The following SKP2 variants were observed in gnomAD, a reference collection of about 807,000 sequenced individuals.
SKP2 encodes S-phase kinase associated protein 2.
In SKP2, 16 loss-of-function variants were observed where a neutral mutation model predicts 51.8. The observed-to-expected ratio is 0.31, with a 90% CI of 0.21 to 0.47. The LOEUF (loss-of-function observed/expected upper bound fraction) is 0.47, where lower values mean the gene tolerates loss of function less well. Among genes scored for constraint, SKP2 ranks in the 20% least tolerant of loss-of-function variants. The probability of loss-of-function intolerance (pLI) is 1.00; values close to 1 mark genes in which losing one functional copy is unlikely to be tolerated. For synonymous variants in SKP2, 176 were observed against 198.6 expected, an observed-to-expected ratio of 0.89 and a Z score of 0.96; for missense variants, 377 against 505.3, an observed-to-expected ratio of 0.75 and a Z score of 2.43.
At chr5:36,178,719 G>C (rs1324086138) in intron 9 of SKP2, among the ~76,000 whole-genome samples, 2 of 152,058 alleles carry the variant, frequency 1.3e-5, no homozygotes, top group Non-Finnish European at 1.5e-5. Context: ...GGGGAGTGTG[G>C]TGATCATTCT....
rs374810577 is a variant in SKP2 at position 36,181,353 on chromosome 5, C to G, written c.1062-465C>G. Among the ~76,000 whole-genome samples the G allele has an allele frequency of 8.5e-5, 13 of 152,250 alleles. No individual in the cohort carries two copies. In the East Asian group the frequency reaches 2.3e-3, roughly 27 times the overall value. On this transcript the variant is annotated intron_variant, in intron 9 of 9. Coordinates refer to ENST00000274255, the MANE Select transcript of SKP2 (RefSeq NM_005983.4). ...GTTCATCAGTCCTGACAGCATCTCCCTTTAAGAGATGAGCCTAGTTCAAAT... is the reference window on the plus strand; with the variant it reads ...GTTCATCAGTCCTGACAGCATCTCCGTTTAAGAGATGAGCCTAGTTCAAAT...
chr5:36,157,736 A>G (rs745953004), intron 2 of SKP2, among the ~76,000 whole-genome samples: 1 of 152,236 alleles, frequency 6.6e-6, no homozygotes, highest in Admixed American at 6.5e-5. Flanking sequence ...GTATAATCTG[A>G]TTATGCTTAA....
rs1270149710 is a variant in SKP2 at position 36,182,150 on chromosome 5, T to A, written c.*119T>A. ...TTTCCCTTTGCCTTCATTCTGCAAG[T>A]ATACTAGGGAGCCATTTGAGAGGGA... On this transcript the variant is annotated 3_prime_UTR_variant, in exon 10 of 10. Coordinates refer to ENST00000274255, the MANE Select transcript of SKP2 (RefSeq NM_005983.4). 2.8e-6 allele frequency: 4 copies of A among 1,454,396 alleles called. No individual in the cohort carries two copies. The highest frequency in any genetic ancestry group is 2.7e-6 in the Non-Finnish European group (3 of 1,106,586). 90.1% of individuals were successfully genotyped at this position (1,454,396 alleles called of 1,614,324 possible).
intron 7 of SKP2, among the ~76,000 whole-genome samples, chr5:36,176,597 TC>T (rs1745639519): frequency 1.3e-5 from 2 of 152,046 alleles, no homozygotes; most frequent in African/African-American, 4.8e-5. Context: ...ATCCATTATT[TC>T]TCTTGTTGAT....
chr5:36,167,782 C>T (rs568108222), intron 4 of SKP2, among the ~76,000 whole-genome samples: 1 of 152,234 alleles, frequency 6.6e-6, no homozygotes, highest in African/African-American at 2.4e-5. Flanking sequence ...CCACGCCCAA[C>T]TAATTTTTTG....
downstream of SKP2, among the ~76,000 whole-genome samples, chr5:36,187,941 T>C (rs1370246259): frequency 6.6e-6 from 1 of 152,210 alleles, no homozygotes; most frequent in Non-Finnish European, 1.5e-5. Flanking sequence ...CATATATATT[T>C]AGGATAGTTA....
intron 7 of SKP2, 145 bp downstream of exon 7, chr5:36,171,878 C>A (rs1745487883): frequency 1.3e-6 from 1 of 765,326 alleles, no homozygotes; most frequent in Non-Finnish European, 2.0e-6. Context: ...GAGGTAGCTG[C>A]TAATCAGAAT....
At chr5:36,180,482 A>C (rs1344547106) in intron 9 of SKP2, among the ~76,000 whole-genome samples, 1 of 152,174 alleles carries the variant, frequency 6.6e-6, no homozygotes, top group Non-Finnish European at 1.5e-5. Context: ...TTATTTTATA[A>C]ATTAGCCTTC....
chr5:36,152,342 G>T, intron 1 of SKP2, 72 bp downstream of exon 1: 6 of 1,359,206 alleles, frequency 4.4e-6, no homozygotes, highest in Admixed American at 1.7e-5. Flanking sequence ...CGCGAATATC[G>T]CTACTGGCTA....
intron 2 of SKP2, among the ~76,000 whole-genome samples, chr5:36,157,513 G>A (rs1744989858): frequency 6.6e-6 from 1 of 152,128 alleles, no homozygotes; most frequent in Non-Finnish European, 1.5e-5. Flanking sequence ...GGCCTCAAAT[G>A]TATTATTTAT....
intron 2 of SKP2, among the ~76,000 whole-genome samples, chr5:36,160,639 G>C (rs1361980929): frequency 6.6e-6 from 1 of 152,196 alleles, no homozygotes; most frequent in Non-Finnish European, 1.5e-5. Context: ...ACTAGATTCT[G>C]ATCTAGATAT....
intron 3 of SKP2, among the ~76,000 whole-genome samples, chr5:36,165,228 A>G (rs1460877237): frequency 6.6e-6 from 1 of 152,174 alleles, no homozygotes; most frequent in Non-Finnish European, 1.5e-5. Context: ...GGTCAGGAAT[A>G]GTAGGTTGAG....
intron 2 of SKP2, among the ~76,000 whole-genome samples, chr5:36,159,628 G>A (rs1023727070): frequency 2.0e-5 from 3 of 152,226 alleles, no homozygotes; most frequent in Non-Finnish European, 2.9e-5. Context: ...GCCCTTGGTT[G>A]AGACAGCTCT....
chr5:36,169,348 G>C (rs944895207), intron 5 of SKP2, among the ~76,000 whole-genome samples: 6 of 152,174 alleles, frequency 3.9e-5, no homozygotes, highest in African/African-American at 1.4e-4. Context: ...AGGAGGCTGA[G>C]GCAGGAGAAT....
chr5:36,169,933 G>A (rs1579564919), intron 5 of SKP2, among the ~76,000 whole-genome samples: 1 of 152,224 alleles, frequency 6.6e-6, no homozygotes, highest in East Asian at 1.9e-4. Flanking sequence ...TAGAGAAGAT[G>A]GCAAATTTGA....
At chr5:36,164,611 C>T (rs1013618410) in intron 3 of SKP2, among the ~76,000 whole-genome samples, 1 of 152,148 alleles carries the variant, frequency 6.6e-6, no homozygotes, top group Non-Finnish European at 1.5e-5. Flanking sequence ...CCTTCAAGGG[C>T]GTGCTGCTAT....
At chr5:36,169,162 G>A (rs753944073) in intron 5 of SKP2, among the ~76,000 whole-genome samples, 1 of 152,118 alleles carries the variant, frequency 6.6e-6, no homozygotes, top group Non-Finnish European at 1.5e-5. Context: ...AGGGAAGCAT[G>A]GGCCAGGTGT....
At position 36,152,967 on chromosome 5, in the gene SKP2, C is replaced by G; in HGVS notation, c.205C>G (p.Arg69Gly). The change falls in exon 2 of 10, where the codon CGG becomes GGG. Residue 69 changes from arginine (R) to glycine (G), a missense_variant. Physicochemically the swap from Arg to Gly is moderately radical, Grantham distance 125 (BLOSUM62 -2). This residue lies in a region of SKP2 where 115 missense variants were observed against 115.5 expected (regional missense o/e 1.00). Coordinates refer to ENST00000274255, the MANE Select transcript of SKP2 (RefSeq NM_005983.4). ...CCACCCGGAGAGCCCCCCACGGAAACGGCTGAAGAGCAAAGGGAGTGACAA... is the reference window on the plus strand; with the variant it reads ...CCACCCGGAGAGCCCCCCACGGAAAGGGCTGAAGAGCAAAGGGAGTGACAA... Reference protein sequence around the residue: ...LGHPESPPRKRLKSKGSDKDF... With the variant: ...LGHPESPPRKGLKSKGSDKDF... 1 of 1,614,122 alleles carries G rather than the reference C, an allele frequency of 6.2e-7. No individual in the cohort carries two copies. The highest frequency in any genetic ancestry group is 8.5e-7 in the Non-Finnish European group (1 of 1,180,010).
downstream of SKP2, among the ~76,000 whole-genome samples, chr5:36,185,140 T>G (rs1745934834): frequency 6.6e-6 from 1 of 152,200 alleles, no homozygotes; most frequent in African/African-American, 2.4e-5. Context: ...TTTGAGTTCT[T>G]TGTAGATTCT....
Sources: allele counts gnomAD v4.1 joint callset (sites outside exome capture counted in the v4.1 genomes callset), GRCh38; gene constraint gnomAD v4.1.1; regional missense constraint gnomAD v4.1.1; transcripts MANE v1.5; gene names NCBI Gene and HGNC (gene_info 2026-07-23, HGNC 2026-07-21).